The following ZNF845 variants were observed in gnomAD, a reference collection of about 807,000 sequenced individuals.
The protein encoded by ZNF845 is zinc finger protein 845.
ZNF845 carries 59 observed loss-of-function variants against 76.1 expected under a neutral mutation model. The observed-to-expected ratio is 0.78, with a 90% CI of 0.63 to 0.96. ZNF845 has a LOEUF of 0.96. Ranked by LOEUF, ZNF845 falls within the 40% of genes least tolerant of loss-of-function variation. ZNF845 has a pLI of 0.00. For missense variants in ZNF845, 1,045 were observed against 1,172.8 expected, an observed-to-expected ratio of 0.89 and a Z score of 1.59; for synonymous variants, 361 against 386.9, an observed-to-expected ratio of 0.93 and a Z score of 0.78.
At chr19:53,335,495 A>C (rs971845605) in intron 1 of ZNF845, among the ~76,000 whole-genome samples, 5 of 152,028 alleles carry the variant, frequency 3.3e-5, no homozygotes, top group Non-Finnish European at 7.4e-5. Context: ...TTCTGGCCTC[A>C]AAGGATCGTC....
chr19:53,353,950 A>T lies in ZNF845; in HGVS notation c.*362A>T. On this transcript the variant is annotated 3_prime_UTR_variant, in exon 4 of 4. Transcript: ENST00000458035. ...GTAATAAATGTGGCAAATTTTTCAGACATTGTTCATACCTTGCAGTTCATC... is the reference window on the plus strand; with the variant it reads ...GTAATAAATGTGGCAAATTTTTCAGTCATTGTTCATACCTTGCAGTTCATC... The T allele has an allele frequency of 1.6e-6, 1 of 624,164 alleles. No homozygotes were observed. 38.7% of individuals were successfully genotyped at this position (624,164 alleles called of 1,614,324 possible). A position where few individuals can be genotyped will look rare whatever the true frequency, so the allele number is the denominator to read the frequency against.
rs182862499 is a variant in ZNF845, at chr19:53,333,785, C to G, written c.-81C>G. The stretch of plus-strand genomic sequence containing the variant: ...CGGATCGCATGGAGTGATGGTCCCA[C>G]CGCAGCGGTGAGTTTTGCTCTGTGT... On this transcript the variant is annotated 5_prime_UTR_variant, in exon 1 of 4. Transcript: ENST00000458035. 1.3e-5 allele frequency: 2 copies of G among 159,834 alleles called. No homozygotes were observed. The highest frequency in any genetic ancestry group is 6.4e-5 in the Admixed American group (1 of 15,612). The allele number at this position is 159,834 out of a possible 1,614,324, so 9.9% of individuals were successfully genotyped here. A position where few individuals can be genotyped will look rare whatever the true frequency, so the allele number is the denominator to read the frequency against.
intron 1 of ZNF845, among the ~76,000 whole-genome samples, chr19:53,340,416 G>A (rs1328286939): frequency 6.6e-6 from 1 of 152,050 alleles, no homozygotes; most frequent in Non-Finnish European, 1.5e-5. Context: ...TCCCCTGAAC[G>A]CTACAGTCCT....
Position 53,353,409 on chromosome 19 carries a change from G to A in ZNF845, c.2734G>A (p.Glu912Lys), listed in dbSNP as rs750451626. ...ATGTCATCATAGAATTCATACTGGAGAGAAACCTTACAAGTGTAATGAGTG... is the reference window on the plus strand; with the variant it reads ...ATGTCATCATAGAATTCATACTGGAAAGAAACCTTACAAGTGTAATGAGTG... ...LACHHRIHTG[E>K]KPYKCNECGK... The change falls in exon 4 of 4, where the codon GAG becomes AAG. Residue 912 changes from glutamate to lysine, a missense_variant. Transcript: ENST00000458035. The A allele has an allele frequency of 1.9e-6, 3 of 1,613,238 alleles. No individual in the cohort carries two copies. The African/African-American group carries it at 4.0e-5, about 22-fold the overall frequency.
chr19:53,345,835 T>C (rs2085292276), intron 3 of ZNF845, among the ~76,000 whole-genome samples: 1 of 151,876 alleles, frequency 6.6e-6, no homozygotes, highest in Non-Finnish European at 1.5e-5. Context: ...TGCATGCCAC[T>C]ATGCCGGGCT....
chr19:53,344,734 A>ATGCT (rs2085282859), intron 2 of ZNF845, among the ~76,000 whole-genome samples: 1 of 151,628 alleles, frequency 6.6e-6, no homozygotes, highest in Non-Finnish European at 1.5e-5. Context: ...TGCTTCAAGC[A>ATGCT]ATTCTCCTTC....
intron 3 of ZNF845, chr19:53,346,486 GC>G (rs1440826432): frequency 7.9e-6 from 2 of 254,660 alleles, no homozygotes; most frequent in African/African-American, 4.7e-5. Context: ...CTCAAAACCA[GC>G]CTGGCTAGCG....
chr19:53,341,966 G>A (rs909719011), intron 2 of ZNF845, among the ~76,000 whole-genome samples: 6 of 152,234 alleles, frequency 3.9e-5, no homozygotes, highest in Admixed American at 2.0e-4. Flanking sequence ...CATGGAGACT[G>A]TGGGGTTACT....
chr19:53,334,286 G>A (rs1357259907), intron 1 of ZNF845, among the ~76,000 whole-genome samples: 3 of 152,170 alleles, frequency 2.0e-5, no homozygotes, highest in Admixed American at 1.3e-4. Flanking sequence ...CCCTGCACCA[G>A]CCCCTGGAAA....
At position 53,356,733 on chromosome 19, in the gene ZNF845, TC is replaced by T. The variant is rs2085389286; in HGVS notation, c.*3147del. The stretch of plus-strand genomic sequence containing the variant: ...TCACGAGGTCAGGAGATCGAGACCA[TC>T]CTGGCTAACACGGTGAAACCCCGTC... On this transcript the variant is annotated 3_prime_UTR_variant, in exon 4 of 4. Coordinates refer to ENST00000458035, the MANE Select transcript of ZNF845 (RefSeq NM_138374.3). 1 of 151,782 alleles carries T rather than the reference TC, an allele frequency of 6.6e-6. No individual in the cohort carries two copies. Among genetic ancestry groups the T allele is most frequent in the Non-Finnish European group, 1.5e-5 (1 of 67,940 alleles). 9.4% of individuals were successfully genotyped at this position (151,782 alleles called of 1,614,324 possible).
Position 53,345,482 on chromosome 19 carries a change from C to G in ZNF845, c.16-24C>G, listed in dbSNP as rs571571503. On this transcript the variant is annotated intron_variant, in intron 2 of 3. Transcript: ENST00000458035. Reference sequence around the variant, plus strand: ...ATAAGAACTCCTCCCATAACCATTTCCTTAAAATGTGTTTTCATTTCAGGG... The same window carrying G: ...ATAAGAACTCCTCCCATAACCATTTGCTTAAAATGTGTTTTCATTTCAGGG... 1.4e-4 allele frequency: 228 copies of G among 1,597,032 alleles called. 1 individual carries two copies. The African/African-American group carries it at 2.2e-3, about 15-fold the overall frequency.
intron 2 of ZNF845, among the ~76,000 whole-genome samples, chr19:53,343,981 G>A (rs1426280167): frequency 2.0e-5 from 3 of 151,530 alleles, no homozygotes; most frequent in African/African-American, 4.8e-5. Flanking sequence ...CACCATGCCC[G>A]GCTGATTTTT....
In ZNF845 at chr19:53,356,686, T is replaced by C. The variant is rs1422531521; in HGVS notation, c.*3098T>C. On this transcript the variant is annotated 3_prime_UTR_variant, in exon 4 of 4. Transcript: ENST00000458035. ...GGCTCACGCCTGTAATCCCAGCACT[T>C]TGGGAGGCTAAGGTGGGCGGATCAC... 6.6e-6 allele frequency: 1 copy of C among 152,030 alleles called. No individual in the cohort carries two copies. Among genetic ancestry groups the C allele is most frequent in the Non-Finnish European group, 1.5e-5 (1 of 68,016 alleles). 9.4% of individuals were successfully genotyped at this position (152,030 alleles called of 1,614,324 possible). A position where few individuals can be genotyped will look rare whatever the true frequency, so the allele number is the denominator to read the frequency against.
At chr19:53,347,442 GT>G (rs11353009) in intron 3 of ZNF845, among the ~76,000 whole-genome samples, 125,290 of 147,848 alleles carry the variant, frequency 0.85, 53,041 homozygotes, top group Non-Finnish European at 0.88. Flanking sequence ...ACACCTGGCT[GT>G]TTTTTTTTTT....
At position 53,341,166 on chromosome 19, in the gene ZNF845, A is replaced by G. The variant is rs1051753179; in HGVS notation, c.-73-69A>G. 6.0e-6 allele frequency: 8 copies of G among 1,330,970 alleles called. No homozygotes were observed. The East Asian group carries it at 1.2e-4, about 20-fold the overall frequency. The allele number at this position is 1,330,970 out of a possible 1,614,324, so 82.4% of individuals were successfully genotyped here. A position where few individuals can be genotyped will look rare whatever the true frequency, so the allele number is the denominator to read the frequency against. On this transcript the variant is annotated intron_variant, in intron 1 of 3. Coordinates refer to ENST00000458035, the MANE Select transcript of ZNF845 (RefSeq NM_138374.3). ...TTCCTCAGGGTGAGGTCTCCTTTGT[A>G]TGTTTCATTGTGTTAACGGAGGGGG...
Position 53,355,920 on chromosome 19 carries a change from C to G in ZNF845, c.*2332C>G, listed in dbSNP as rs576587643. On this transcript the variant is annotated 3_prime_UTR_variant, in exon 4 of 4. Transcript: ENST00000458035. The stretch of plus-strand genomic sequence containing the variant: ...TGTGTTTTTTATCTGTCATTCTGTG[C>G]AAGTGTGTATCCCATTGATTTGAGT... 2.0e-5 allele frequency: 3 copies of G among 152,280 alleles called. No individual in the cohort carries two copies. The highest frequency in any genetic ancestry group is 2.0e-4 in the Admixed American group (3 of 15,288). 9.4% of individuals were successfully genotyped at this position (152,280 alleles called of 1,614,324 possible). A position where few individuals can be genotyped will look rare whatever the true frequency, so the allele number is the denominator to read the frequency against.
At chr19:53,334,785 C>T (rs977004680) in intron 1 of ZNF845, among the ~76,000 whole-genome samples, 1 of 151,908 alleles carries the variant, frequency 6.6e-6, no homozygotes, top group African/African-American at 2.4e-5. Flanking sequence ...TGGTGCACAC[C>T]TGTAATCCCA....
rs1425762245 is a variant in ZNF845 at position 53,354,465 on chromosome 19, G to GT, written c.*880dup. On this transcript the variant is annotated 3_prime_UTR_variant, in exon 4 of 4. Transcript: ENST00000458035. ...ACCAATAGATCACTTGAGGTCAGGA[G>GT]TTTGAGACCAGACTGGCCAACAGAC... 1 of 179,256 alleles carries GT rather than the reference G, an allele frequency of 5.6e-6. No homozygotes were observed. The highest frequency in any genetic ancestry group is 1.2e-5 in the Non-Finnish European group (1 of 83,722). 11.1% of individuals were successfully genotyped at this position (179,256 alleles called of 1,614,324 possible). A position where few individuals can be genotyped will look rare whatever the true frequency, so the allele number is the denominator to read the frequency against.
Position 53,345,623 on chromosome 19 carries a change from G to A in ZNF845, c.133G>A (p.Val45Ile), listed in dbSNP as rs767615100. 3 of 1,613,648 alleles carry A rather than the reference G, an allele frequency of 1.9e-6. No homozygotes were observed. The South Asian group carries it at 3.3e-5, about 18-fold the overall frequency. Residue 45 changes from valine to isoleucine, a missense_variant, in exon 3 of 4, where the codon GTC (valine) becomes ATC (isoleucine). Val to Ile is a conservative substitution (Grantham distance 29). Transcript: ENST00000458035. ...GATGCTGGAGAATTATAGGAACCTG[G>A]TCTCCCTGGGTGAGGATAACTTCCC... The part of the protein sequence containing the change: ...DVMLENYRNL[V>I]SLDISSKCMM...
Sources: allele counts gnomAD v4.1 joint callset (sites outside exome capture counted in the v4.1 genomes callset), GRCh38; gene constraint gnomAD v4.1.1; transcripts MANE v1.5; gene names NCBI Gene and HGNC (gene_info 2026-07-23, HGNC 2026-07-21).